Variants in OPCML observed in about 807,000 individuals in gnomAD.
OPCML encodes the protein opioid binding protein/cell adhesion molecule like.
In OPCML, 13 loss-of-function variants were observed where a neutral mutation model predicts 37.8. The observed-to-expected ratio is 0.34, with a 90% CI of 0.22 to 0.55. The LOEUF (loss-of-function observed/expected upper bound fraction) is 0.55. Ranked by LOEUF, OPCML falls within the 20% of genes least tolerant of loss-of-function variation. OPCML has a pLI of 0.91. For synonymous variants in OPCML, 176 were observed against 168.8 expected (o/e 1.04, Z -0.33); for missense variants, 341 against 435.6 (o/e 0.78, Z 1.93).
At position 132,726,966 on chromosome 11, in the gene OPCML, C is replaced by G. The variant is rs148103929; in HGVS notation, c.147-69647G>C. On this transcript the variant is annotated intron_variant, in intron 2 of 7. Coordinates refer to ENST00000524381, the MANE Select transcript of OPCML (RefSeq NM_001012393.5). ...GTTTTAATGTCTTTTATCTATGGAC[C>G]CTTCCCTGACCCCATGCGGAATGAG... 2.2e-4 allele frequency among the ~76,000 whole-genome samples: 34 copies of G among 152,158 alleles called. No homozygotes were observed. The East Asian group carries it at 4.6e-3, about 21-fold the overall frequency.
intron 1 of OPCML, among the ~76,000 whole-genome samples, chr11:132,967,674 G>A (rs1228199246): frequency 6.6e-6 from 1 of 152,170 alleles, no homozygotes; most frequent in Non-Finnish European, 1.5e-5. Flanking sequence ...AATTAAGAAA[G>A]AAGGAATAGG....
chr11:132,842,154 G>C (rs1353805529), intron 2 of OPCML, among the ~76,000 whole-genome samples: 1 of 152,134 alleles, frequency 6.6e-6, no homozygotes, highest in East Asian at 1.9e-4. Context: ...AGATGTAAAT[G>C]TGTGTTTCTG....
At chr11:132,783,048 G>C (rs946232919) in intron 2 of OPCML, among the ~76,000 whole-genome samples, 3 of 151,058 alleles carry the variant, frequency 2.0e-5, no homozygotes, top group South Asian at 4.2e-4. Context: ...TCTGCTTTTA[G>C]CTCACTGTGG....
At chr11:133,166,298 T>C (rs1399620006) in intron 1 of OPCML, among the ~76,000 whole-genome samples, 1 of 152,206 alleles carries the variant, frequency 6.6e-6, no homozygotes, top group African/African-American at 2.4e-5. Flanking sequence ...ATATGTCCCT[T>C]ACATGCACTA....
rs536672027 is a variant in OPCML at position 132,985,617 on chromosome 11, C to G, written c.62-42607G>C. Among the ~76,000 whole-genome samples, 4 of 152,314 alleles carry G rather than the reference C, an allele frequency of 2.6e-5. No individual in the cohort carries two copies. The South Asian group carries it at 8.3e-4, about 32-fold the overall frequency. On this transcript the variant is annotated intron_variant, in intron 1 of 7. Transcript: ENST00000524381. ...AATTCAAAATAAACTGGTGAAGGAC[C>G]TAATCACATATGATGCAAAATCTCT... is the stretch of plus-strand genomic sequence containing the variant.
chr11:133,351,127 C>T (rs377582465), intron 1 of OPCML, among the ~76,000 whole-genome samples: 1 of 152,132 alleles, frequency 6.6e-6, no homozygotes, highest in East Asian at 1.9e-4. Flanking sequence ...TTGGCTTTCC[C>T]GCGATTTGCC....
At chr11:132,737,129 A>G (rs887040213) in intron 2 of OPCML, among the ~76,000 whole-genome samples, 3 of 152,194 alleles carry the variant, frequency 2.0e-5, no homozygotes, top group Non-Finnish European at 4.4e-5. Context: ...TAAAAAGAAC[A>G]GACTGCCTAG....
intron 1 of OPCML, among the ~76,000 whole-genome samples, chr11:133,282,176 G>A (rs886226264): frequency 1.3e-5 from 2 of 152,182 alleles, no homozygotes; most frequent in Non-Finnish European, 2.9e-5. Context: ...GGGAGCCAAG[G>A]CATTTCGAAA....
chr11:132,448,407 C>A (rs749421634), intron 4 of OPCML, among the ~76,000 whole-genome samples: 13 of 152,182 alleles, frequency 8.5e-5, no homozygotes, highest in Non-Finnish European at 1.3e-4. Flanking sequence ...AGACATCCTG[C>A]ACACTTCGCA....
chr11:133,468,280 G>A (rs1174058022), intron 1 of OPCML, among the ~76,000 whole-genome samples: 2 of 152,194 alleles, frequency 1.3e-5, no homozygotes, highest in Admixed American at 6.5e-5. Context: ...ACCCCTACCT[G>A]CAAAGGCAGG....
At chr11:132,463,635 G>T (rs1442345293) in intron 4 of OPCML, among the ~76,000 whole-genome samples, 3 of 152,216 alleles carry the variant, frequency 2.0e-5, no homozygotes, top group African/African-American at 7.2e-5. Context: ...CCACAGTGAG[G>T]TATATCTCCT....
chr11:133,188,441 C>T (rs138557812), intron 1 of OPCML, among the ~76,000 whole-genome samples: 138 of 152,022 alleles, frequency 9.1e-4, no homozygotes, highest in African/African-American at 2.9e-3. Flanking sequence ...AACTCCATCG[C>T]GATCCACATT....
chr11:133,002,693 T>C (rs1194821097), intron 1 of OPCML, among the ~76,000 whole-genome samples: 1 of 151,476 alleles, frequency 6.6e-6, no homozygotes, highest in Non-Finnish European at 1.5e-5. Flanking sequence ...AGATAATATA[T>C]GTGTGGGTGT....
chr11:132,629,265 G>A (rs73051119), intron 3 of OPCML, among the ~76,000 whole-genome samples: 230 of 152,224 alleles, frequency 1.5e-3, no homozygotes, highest in Non-Finnish European at 2.5e-3. Context: ...ATGTCTGCAT[G>A]TCCTACCATA....
intron 1 of OPCML, among the ~76,000 whole-genome samples, chr11:133,468,877 G>T (rs1314310166): frequency 6.7e-6 from 1 of 148,238 alleles, no homozygotes. Context: ...GCAGGTGAGG[G>T]TAGAGAATAT....
intron 4 of OPCML, among the ~76,000 whole-genome samples, chr11:132,441,615 C>G (rs2136779979): frequency 6.6e-6 from 1 of 152,306 alleles, no homozygotes; most frequent in African/African-American, 2.4e-5. Context: ...GCTCTAAGCA[C>G]TCCAGCATCC....
intron 1 of OPCML, among the ~76,000 whole-genome samples, chr11:133,241,188 CTT>C (rs1442514321): frequency 6.6e-6 from 1 of 152,214 alleles, no homozygotes; most frequent in Non-Finnish European, 1.5e-5. Context: ...TTTGTGTCCT[CTT>C]TAACTCTTGT....
At chr11:132,738,388 AC>A (rs1565821899) in intron 2 of OPCML, among the ~76,000 whole-genome samples, 1 of 152,078 alleles carries the variant, frequency 6.6e-6, no homozygotes, top group Non-Finnish European at 1.5e-5. Context: ...AAGTTTAAAT[AC>A]CCTCCCTGCT....
chr11:133,240,679 C>T (rs1475006080), intron 1 of OPCML, among the ~76,000 whole-genome samples: 1 of 152,192 alleles, frequency 6.6e-6, no homozygotes, highest in Admixed American at 6.5e-5. Flanking sequence ...AGAGATTACT[C>T]CTCTTTCTCT....
Sources: gnomAD v4.1 joint callset for allele counts (sites outside exome capture counted in the v4.1 genomes callset) on GRCh38, gnomAD v4.1.1 for gene constraint, MANE v1.5 for transcripts, NCBI Gene and HGNC (gene_info 2026-07-23, HGNC 2026-07-21) for gene names.